SETD1B: variants seen among roughly 807,000 people sequenced by gnomAD.
SETD1B encodes the protein histone-lysine N-methyltransferase SETD1B.
In SETD1B, 7 loss-of-function variants were observed where a neutral mutation model predicts 148.0. The ratio of observed to expected loss-of-function variants is 0.05; its 90% CI spans 0.03 to 0.09. The LOEUF (loss-of-function observed/expected upper bound fraction) is 0.09. Among genes scored for constraint, SETD1B ranks in the 10% least tolerant of loss-of-function variants. The pLI is 1.00. For missense variants in SETD1B, 2,155 were observed against 2,729.9 expected, an observed-to-expected ratio of 0.79 and a Z score of 4.69; for synonymous variants, 1,361 against 1,186.5, an observed-to-expected ratio of 1.15 and a Z score of -3.02.
rs1415426428 is a variant in SETD1B at position 121,804,495 on chromosome 12, C to T, written c.-14-229C>T. ...GCCCAGGGGACCCCCGGGAGCCCCTCGCTGCCGCCCCGAGACGGTGGCCGA... is the reference window on the plus strand; with the variant it reads ...GCCCAGGGGACCCCCGGGAGCCCCTTGCTGCCGCCCCGAGACGGTGGCCGA... On this transcript the variant is annotated intron_variant, in intron 1 of 16. Coordinates refer to ENST00000604567, the MANE Select transcript of SETD1B (RefSeq NM_001353345.2). The surrounding 1 kb of genome is among the most constrained non-coding windows in gnomAD (Gnocchi z 4.6). Among the ~76,000 whole-genome samples, 2 of 150,704 alleles carry T rather than the reference C, an allele frequency of 1.3e-5. No homozygotes were observed. Among genetic ancestry groups the T allele is most frequent in the Non-Finnish European group, 3.0e-5 (2 of 67,506 alleles).
In SETD1B at chr12:121,809,775, C is replaced by G; in HGVS notation, c.830C>G (p.Pro277Arg). The G allele has an allele frequency of 6.4e-7, 1 of 1,551,518 alleles. No individual in the cohort carries two copies. Among genetic ancestry groups the G allele is most frequent in the Non-Finnish European group, 8.7e-7 (1 of 1,146,988 alleles). ...NSYGQGTPLT[P>R]RLGTPFSQDS... ...TATGGACAGGGCACCCCGCTCACAC[C>G]GCGCCTGGGCACCCCTTTCTCACAG... The change falls in exon 6 of 17, where the codon CCG becomes CGG. Residue 277 changes from proline (P) to arginine (R), a missense_variant. Pro to Arg is a moderately radical substitution (Grantham distance 103, BLOSUM62 -2). This residue lies in a region of SETD1B where 376 missense variants were observed against 385.0 expected (regional missense o/e 0.98). Coordinates refer to ENST00000604567, the MANE Select transcript of SETD1B (RefSeq NM_001353345.2).
chr12:121,803,440 A>C (rs1875499800), upstream of SETD1B: 1 of 152,218 alleles, frequency 6.6e-6, no homozygotes, highest in South Asian at 2.1e-4. This position sits in a 1 kb window ranked among gnomAD's most constrained non-coding sequence, Gnocchi z 4.7. Context: ...AGGAATGCGA[A>C]TGCTAACGTG....
chr12:121,813,873 G>A (rs1876155061), intron 6 of SETD1B, among the ~76,000 whole-genome samples: 1 of 152,150 alleles, frequency 6.6e-6, no homozygotes, highest in African/African-American at 2.4e-5. Context: ...CACAGGTACT[G>A]AGCAAATGTT....
intron 10 of SETD1B, among the ~76,000 whole-genome samples, chr12:121,818,656 C>G (rs1198117672): frequency 6.7e-6 from 1 of 148,648 alleles, no homozygotes; most frequent in Non-Finnish European, 1.5e-5. Flanking sequence ...TTTGGGAGGC[C>G]AAGGCAAGTG....
Position 121,814,525 on chromosome 12 carries a change from C to T in SETD1B, c.2310C>T (p.Gly770=), listed in dbSNP as rs1348514531. 6 of 1,473,386 alleles carry T rather than the reference C, an allele frequency of 4.1e-6. No individual in the cohort carries two copies. The highest frequency in any genetic ancestry group is 2.8e-5 in the South Asian group (2 of 72,508). 91.3% of individuals were successfully genotyped at this position (1,473,386 alleles called of 1,614,324 possible). A position where few individuals can be genotyped will look rare whatever the true frequency, so the allele number is the denominator to read the frequency against. The change falls in exon 7 of 17, where the codon GGC becomes GGT. Residue 770 remains glycine, a synonymous_variant. Coordinates refer to ENST00000604567, the MANE Select transcript of SETD1B (RefSeq NM_001353345.2). Reference sequence around the variant, plus strand: ...ACGTGCTGGGTGGCCAGTGGGGCGGCATGCCCATGTCCTTCCAGATGCAAA... The same window carrying T: ...ACGTGCTGGGTGGCCAGTGGGGCGGTATGCCCATGTCCTTCCAGATGCAAA... ...MSHVLGGQWG[G]MPMSFQMQTQ...
At position 121,830,221 on chromosome 12, in the gene SETD1B, C is replaced by T. The variant is rs965581894; in HGVS notation, c.5883C>T (p.Cys1961=). The change falls in exon 17 of 17, where the codon TGC becomes TGT. Residue 1961 remains cysteine (C), a synonymous_variant. Transcript: ENST00000604567. This position sits in a 1 kb window ranked among gnomAD's most constrained non-coding sequence, Gnocchi z 5.7. The part of the protein sequence containing the change: ...KIPCLCGSEN[C]RGTLN ...CCTGCCTCTGTGGCTCCGAGAACTGCCGGGGGACCCTCAACTAGGCCCCGG... is the reference window on the plus strand; with the variant it reads ...CCTGCCTCTGTGGCTCCGAGAACTGTCGGGGGACCCTCAACTAGGCCCCGG... 10 of 1,550,832 alleles carry T rather than the reference C, an allele frequency of 6.4e-6. No individual in the cohort carries two copies. Among genetic ancestry groups the T allele is most frequent in the Non-Finnish European group, 7.0e-6 (8 of 1,146,778 alleles).
intron 7 of SETD1B, among the ~76,000 whole-genome samples, chr12:121,816,551 G>C (rs760961009): frequency 6.6e-6 from 1 of 152,244 alleles, no homozygotes; most frequent in Admixed American, 6.5e-5. Flanking sequence ...ACCTTGCAAA[G>C]CTCTTCATGT....
chr12:121,820,827 C>T (rs1307707750), intron 11 of SETD1B, among the ~76,000 whole-genome samples: 6 of 152,198 alleles, frequency 3.9e-5, no homozygotes, highest in Non-Finnish European at 8.8e-5. Context: ...GCCACCATGC[C>T]CGGTCCTAGC....
Position 121,826,913 on chromosome 12 carries a change from A to G in SETD1B, c.5338-606A>G, listed in dbSNP as rs186137641. On this transcript the variant is annotated intron_variant, in intron 13 of 16. Transcript: ENST00000604567. ...GAGATGGGGAGGCTGATATGCTATCACCACGAGGCAGCTTGAGTTCTGCGG... is the reference window on the plus strand; with the variant it reads ...GAGATGGGGAGGCTGATATGCTATCGCCACGAGGCAGCTTGAGTTCTGCGG... 5.9e-5 allele frequency among the ~76,000 whole-genome samples: 9 copies of G among 151,856 alleles called. No homozygotes were observed. In the East Asian group the frequency reaches 7.8e-4, roughly 13 times the overall value.
Position 121,810,292 on chromosome 12 carries a change from C to T in SETD1B, c.1347C>T (p.Gly449=). Residue 449 remains glycine, a synonymous_variant, in exon 6 of 17, where the codon GGC becomes GGT. Transcript: ENST00000604567. The surrounding 1 kb of genome is among the most constrained non-coding windows in gnomAD (Gnocchi z 7.6). ...AGCCTCTGGCCAAGGAGAAGCCAGG[C>T]ACGCCACCCGGCCCGCCGCCCCCCG... ...PAEPLAKEKP[G]TPPGPPPPDT... is the part of the protein sequence containing the mutation. 1 of 1,543,510 alleles carries T rather than the reference C, an allele frequency of 6.5e-7. No homozygotes were observed. The highest frequency in any genetic ancestry group is 8.7e-7 in the Non-Finnish European group (1 of 1,146,612).
Position 121,822,805 on chromosome 12 carries a change from C to A in SETD1B, c.4226C>A (p.Ser1409Tyr). ...CCGCAAGTGCCCGGCAGCCCCTTCT[C>A]CTACCCAGCCCCGTCCCCTAGCTTG... is the stretch of plus-strand genomic sequence containing the variant. ...SSPQVPGSPF[S>Y]YPAPSPSLSS... is the part of the protein sequence containing the mutation. Residue 1409 changes from serine (S) to tyrosine (Y), a missense_variant, in exon 12 of 17, where the codon TCC becomes TAC. By Grantham distance (144) the Ser-to-Tyr change is moderately radical. This residue lies in a region of SETD1B where 862 missense variants were observed against 873.8 expected (regional missense o/e 0.99). Transcript: ENST00000604567. 1 of 1,507,272 alleles carries A rather than the reference C, an allele frequency of 6.6e-7. No homozygotes were observed. The highest frequency in any genetic ancestry group is 1.3e-5 in the South Asian group (1 of 78,062). 93.4% of individuals were successfully genotyped at this position (1,507,272 alleles called of 1,614,324 possible).
At chr12:121,803,365 C>G (rs894300354), upstream of SETD1B, 6 of 152,266 alleles carry the variant, frequency 3.9e-5, no homozygotes, top group Non-Finnish European at 8.8e-5. The surrounding 1 kb of genome is among the most constrained non-coding windows in gnomAD (Gnocchi z 4.7). Flanking sequence ...AGGGCGCTCC[C>G]CTCCAAAAAT....
chr12:121,826,962 A>G (rs1205568429), intron 13 of SETD1B, among the ~76,000 whole-genome samples: 2 of 151,848 alleles, frequency 1.3e-5, no homozygotes. Flanking sequence ...CCAGGCAGAG[A>G]GGTCTTGGTG....
chr12:121,814,972 G>A (rs772287223), intron 7 of SETD1B, 42 bp downstream of exon 7: 2 of 1,488,254 alleles, frequency 1.3e-6, no homozygotes, highest in South Asian at 1.3e-5. Context: ...GGCTGTGGAG[G>A]GGGGCAGGTC....
the SETD1B span, chr12:121,797,196 G>A: frequency 2.9e-6 from 1 of 350,826 alleles, no homozygotes; most frequent in African/African-American, 2.2e-5. Context: ...TCCACCCAGA[G>A]GGTCCGAAAG....
chr12:121,804,562 C>T lies in SETD1B; in HGVS notation c.-14-162C>T, dbSNP rs1311865530. ...TTCTCCCGGAAGGGTTATTCTCTCG[C>T]TCCATTCTTGTTTTGGGGGGAGCCA... On this transcript the variant is annotated intron_variant, in intron 1 of 16. Transcript: ENST00000604567. This position sits in a 1 kb window ranked among gnomAD's most constrained non-coding sequence, Gnocchi z 4.6. 2.0e-5 allele frequency among the ~76,000 whole-genome samples: 3 copies of T among 151,302 alleles called. No individual in the cohort carries two copies. The highest frequency in any genetic ancestry group is 7.3e-5 in the African/African-American group (3 of 41,210).
At chr12:121,807,397 G>A (rs1214109960) in intron 4 of SETD1B, among the ~76,000 whole-genome samples, 7 of 145,208 alleles carry the variant, frequency 4.8e-5, no homozygotes, top group African/African-American at 1.8e-4. Context: ...CCTATCACGT[G>A]CCCACATTTT....
chr12:121,816,857 G>C (rs576803044), intron 7 of SETD1B, among the ~76,000 whole-genome samples, 176 bp from the exon 8 acceptor site: 1 of 152,194 alleles, frequency 6.6e-6, no homozygotes, highest in Non-Finnish European at 1.5e-5. Flanking sequence ...GAGGCAGAGC[G>C]GTGCTCTAGA....
At chr12:121,821,103 TTAATG>T (rs1053348066) in intron 11 of SETD1B, among the ~76,000 whole-genome samples, 3 of 152,148 alleles carry the variant, frequency 2.0e-5, no homozygotes, top group Admixed American at 6.5e-5. Context: ...TGTGTTTTGT[TTAATG>T]TAATGTATTT....
Sources: gnomAD v4.1 joint callset for allele counts (sites outside exome capture counted in the v4.1 genomes callset) on GRCh38, gnomAD v4.1.1 for gene constraint, gnomAD v4.1.1 regional missense constraint, Gnocchi (gnomAD v3.1) non-coding constraint, MANE v1.5 for transcripts, NCBI Gene and HGNC (gene_info 2026-07-23, HGNC 2026-07-21) for gene names.